Variants in CPNE4 observed in about 807,000 individuals in gnomAD.
CPNE4 encodes copine-4.
In CPNE4, 25 loss-of-function variants were observed where a neutral mutation model predicts 67.9. That is an observed-to-expected ratio of 0.37 (90% CI 0.27 to 0.51). CPNE4 has a LOEUF of 0.51. Ranked by LOEUF, CPNE4 falls within the 20% of genes least tolerant of loss-of-function variation. The pLI is 0.93. For synonymous variants in CPNE4, 242 were observed against 244.9 expected (o/e 0.99, Z 0.11); for missense variants, 464 against 690.8 (o/e 0.67, Z 3.68).
intron 7 of CPNE4, among the ~76,000 whole-genome samples, chr3:131,611,123 A>G (rs1015516374): frequency 6.6e-6 from 1 of 152,032 alleles, no homozygotes; most frequent in Non-Finnish European, 1.5e-5. Flanking sequence ...TTTTTTCCTC[A>G]TTTACTAATA....
chr3:131,737,977 G>A (rs983860586), intron 2 of CPNE4, among the ~76,000 whole-genome samples: 2 of 152,220 alleles, frequency 1.3e-5, no homozygotes, highest in Admixed American at 6.5e-5. Flanking sequence ...AAGATTGAAT[G>A]AGTGCATATG....
rs1205488111 is a variant in CPNE4 at position 131,803,165 on chromosome 3, AT to A, written c.181-79541del. Among the ~76,000 whole-genome samples, 4 of 152,336 alleles carry A rather than the reference AT, an allele frequency of 2.6e-5. No homozygotes were observed. In the East Asian group the frequency reaches 5.8e-4, roughly 22 times the overall value. On this transcript the variant is annotated intron_variant, in intron 2 of 15. Transcript: ENST00000429747. ...CCTGGCTCTACCATTAGCCAGGTGG[AT>A]AACCTTGGAATTCGACAAATTACAT...
At chr3:131,877,585 T>C (rs1255485796) in intron 2 of CPNE4, among the ~76,000 whole-genome samples, 1 of 152,152 alleles carries the variant, frequency 6.6e-6, no homozygotes, top group Non-Finnish European at 1.5e-5. Context: ...TCAAGAATAG[T>C]ATTTTGAATA....
At chr3:131,923,583 T>C (rs921546502) in intron 1 of CPNE4, among the ~76,000 whole-genome samples, 3 of 151,330 alleles carry the variant, frequency 2.0e-5, no homozygotes, top group South Asian at 2.1e-4. Context: ...TGCATGCCTA[T>C]AGTACCACCT....
intron 1 of CPNE4, among the ~76,000 whole-genome samples, chr3:131,967,454 GATTGTGT>G (rs1237268531): frequency 6.6e-6 from 1 of 152,144 alleles, no homozygotes; most frequent in Non-Finnish European, 1.5e-5. Flanking sequence ...CAGATGACAT[GATTGTGT>G]ATTTAGAAAA....
intron 1 of CPNE4, among the ~76,000 whole-genome samples, chr3:131,935,909 G>C (rs936701525): frequency 6.6e-6 from 1 of 151,900 alleles, no homozygotes; most frequent in Non-Finnish European, 1.5e-5. Flanking sequence ...AGGATATGTG[G>C]ATTCATAGAA....
chr3:131,694,231 CTT>C (rs2081098414), intron 5 of CPNE4, among the ~76,000 whole-genome samples: 1 of 152,034 alleles, frequency 6.6e-6, no homozygotes, highest in Admixed American at 6.6e-5. Flanking sequence ...TTTATAGTGA[CTT>C]TTAGTCATAC....
intron 1 of CPNE4, among the ~76,000 whole-genome samples, chr3:132,001,120 G>C (rs1450953108): frequency 6.6e-6 from 1 of 151,996 alleles, no homozygotes; most frequent in Admixed American, 6.6e-5. Context: ...GAGTTACAAG[G>C]AGGGAAAAGG....
chr3:131,743,527 T>C (rs530716329), intron 2 of CPNE4, among the ~76,000 whole-genome samples: 9 of 152,232 alleles, frequency 5.9e-5, no homozygotes, highest in African/African-American at 1.9e-4. Flanking sequence ...AATAAAACAT[T>C]GGCAAAAGCA....
intron 6 of CPNE4, 93 bp downstream of exon 6, chr3:131,685,782 A>T: frequency 1.7e-6 from 1 of 590,412 alleles, no homozygotes; most frequent in Non-Finnish European, 2.7e-6. Flanking sequence ...CTCCACCTCA[A>T]CACACACACA....
intron 1 of CPNE4, among the ~76,000 whole-genome samples, chr3:132,024,375 C>A (rs532613345): frequency 6.6e-6 from 1 of 152,088 alleles, no homozygotes; most frequent in African/African-American, 2.4e-5. Flanking sequence ...TGAGCCATTG[C>A]GCCCAGCCCT....
rs542334087 is a variant in CPNE4, at chr3:131,936,824, A to G, written c.-1-31380T>C. Among the ~76,000 whole-genome samples, 47 of 152,160 alleles carry G rather than the reference A, an allele frequency of 3.1e-4. 1 individual carries two copies. The South Asian group carries it at 9.3e-3, about 30-fold the overall frequency. On this transcript the variant is annotated intron_variant, in intron 1 of 15. Transcript: ENST00000429747. ...GAAATCAGACAATAGATCGAAAAAT[A>G]ACAAGAAGAAAAGAGTTGGTAGAAA...
At chr3:131,636,347 A>G (rs551327090) in intron 7 of CPNE4, among the ~76,000 whole-genome samples, 4 of 152,290 alleles carry the variant, frequency 2.6e-5, no homozygotes, top group Admixed American at 1.3e-4. Context: ...CCATGGAAGC[A>G]GGGTGAAGCC....
At chr3:131,566,732 C>A (rs1383858587) in intron 10 of CPNE4, among the ~76,000 whole-genome samples, 1 of 151,916 alleles carries the variant, frequency 6.6e-6, no homozygotes, top group Non-Finnish European at 1.5e-5. Flanking sequence ...CAGCCTTTTA[C>A]TCCTAATGGG....
At chr3:131,737,109 TTG>T (rs1358234042) in intron 2 of CPNE4, among the ~76,000 whole-genome samples, 2 of 144,264 alleles carry the variant, frequency 1.4e-5, no homozygotes, top group Non-Finnish European at 3.0e-5. Flanking sequence ...TTATGAAGTA[TTG>T]TGTCTTTTTT....
At chr3:132,027,385 C>A (rs1168888413) in intron 1 of CPNE4, among the ~76,000 whole-genome samples, 1 of 152,184 alleles carries the variant, frequency 6.6e-6, no homozygotes, top group Non-Finnish European at 1.5e-5. Flanking sequence ...CAAGTTCTCA[C>A]ATTCTCTTAT....
At chr3:131,735,612 A>C (rs1267371266) in intron 2 of CPNE4, among the ~76,000 whole-genome samples, 2 of 152,240 alleles carry the variant, frequency 1.3e-5, no homozygotes, top group Non-Finnish European at 2.9e-5. Context: ...ATATATTAAT[A>C]TCCAACCAAA....
At chr3:131,896,371 A>C (rs1304855654) in intron 2 of CPNE4, among the ~76,000 whole-genome samples, 1 of 152,100 alleles carries the variant, frequency 6.6e-6, no homozygotes, top group Non-Finnish European at 1.5e-5. Flanking sequence ...TCCTATGTTT[A>C]ACAGATATTC....
At chr3:131,849,343 G>A (rs142734095) in intron 2 of CPNE4, among the ~76,000 whole-genome samples, 1 of 152,206 alleles carries the variant, frequency 6.6e-6, no homozygotes, top group East Asian at 1.9e-4. Flanking sequence ...CAGTTCTTCA[G>A]GCTTTACAGT....
Sources: allele counts gnomAD v4.1 joint callset (sites outside exome capture counted in the v4.1 genomes callset), GRCh38; gene constraint gnomAD v4.1.1; transcripts MANE v1.5; gene names NCBI Gene and HGNC (gene_info 2026-07-23, HGNC 2026-07-21).